Variants in RBFOX1 observed in about 807,000 individuals in gnomAD.
RBFOX1 encodes the protein RNA binding fox-1 homolog 1.
RBFOX1 carries 8 observed loss-of-function variants against 57.7 expected under a neutral mutation model. The observed-to-expected ratio is 0.14, with a 90% CI of 0.08 to 0.25. The LOEUF is 0.25. Among genes scored for constraint, RBFOX1 ranks in the 10% least tolerant of loss-of-function variants. The pLI is 1.00. For synonymous variants in RBFOX1, 326 were observed against 222.4 expected (o/e 1.47, Z -4.15); for missense variants, 611 against 548.5 (o/e 1.11, Z -1.14).
intron 4 of RBFOX1, among the ~76,000 whole-genome samples, chr16:7,467,062 C>T (rs1466278709): frequency 6.6e-6 from 1 of 152,174 alleles, no homozygotes; most frequent in African/African-American, 2.4e-5. Flanking sequence ...ATTTAGCAAA[C>T]ACTGCATATA....
At chr16:7,655,275 TA>T (rs1169196167) in intron 12 of RBFOX1, among the ~76,000 whole-genome samples, 1 of 152,166 alleles carries the variant, frequency 6.6e-6, no homozygotes. Context: ...AAGGGAAAGT[TA>T]AGGAAAAGTA....
chr16:7,704,922 C>A (rs138487631), intron 14 of RBFOX1, among the ~76,000 whole-genome samples: 16 of 152,064 alleles, frequency 1.1e-4, no homozygotes, highest in African/African-American at 3.9e-4. Context: ...TGATGGGCGC[C>A]TGTAATCCCA....
chr16:6,953,335 C>CT (rs1475843784), intron 3 of RBFOX1, among the ~76,000 whole-genome samples: 1 of 152,034 alleles, frequency 6.6e-6, no homozygotes, highest in Non-Finnish European at 1.5e-5. Flanking sequence ...TCACCAGCAA[C>CT]TTAATAACAT....
At position 7,612,089 on chromosome 16, in the gene RBFOX1, A is replaced by T. The variant is rs577340088; in HGVS notation, c.676+4751A>T. On this transcript the variant is annotated intron_variant, in intron 10 of 15. Coordinates refer to ENST00000550418, the MANE Select transcript of RBFOX1 (RefSeq NM_018723.4). ...GTAATCCCAGCACTTTGGGAGGCCG[A>T]GGCAGGTGGATCACGAGGTCAGGGG... 1.6e-4 allele frequency among the ~76,000 whole-genome samples: 24 copies of T among 152,226 alleles called. 1 individual carries two copies. In the South Asian group the frequency reaches 5.0e-3, roughly 32 times the overall value.
intron 3 of RBFOX1, among the ~76,000 whole-genome samples, chr16:5,608,187 G>C (rs1439323863): frequency 1.3e-5 from 2 of 152,214 alleles, no homozygotes; most frequent in African/African-American, 4.8e-5. Flanking sequence ...CTTGTGAATT[G>C]TCATAACACC....
chr16:7,326,102 T>C (rs1323562808), intron 4 of RBFOX1, among the ~76,000 whole-genome samples: 1 of 152,210 alleles, frequency 6.6e-6, no homozygotes, highest in Non-Finnish European at 1.5e-5. Context: ...TCCCTGCGCC[T>C]CTGTCTCATC....
At chr16:7,237,504 C>G (rs560577571) in intron 4 of RBFOX1, among the ~76,000 whole-genome samples, 5 of 152,278 alleles carry the variant, frequency 3.3e-5, no homozygotes, top group African/African-American at 9.6e-5. Flanking sequence ...ATCTCATTAG[C>G]CTGAAGCACA....
chr16:5,696,525 C>G (rs946855719), intron 3 of RBFOX1, among the ~76,000 whole-genome samples: 30 of 152,148 alleles, frequency 2.0e-4, no homozygotes, highest in South Asian at 4.1e-4. Context: ...ATTATGTGAT[C>G]CAAGGCTATG....
At position 5,359,988 on chromosome 16, in the gene RBFOX1, C is replaced by G. The variant is rs546120529; in HGVS notation, c.220-107228C>G. On this transcript the variant is annotated intron_variant, in intron 1 of 2. Coordinates refer to the RBFOX1 transcript ENST00000585867. ...TGTTTGTTCCAGAGCGAAAACAATC[C>G]AAAACATAAATTTACATTGAAGGTT... is the stretch of plus-strand genomic sequence containing the variant. Among the ~76,000 whole-genome samples, 10 of 152,294 alleles carry G rather than the reference C, an allele frequency of 6.6e-5. No homozygotes were observed. In the East Asian group the frequency reaches 1.7e-3, roughly 26 times the overall value.
At chr16:6,935,415 A>G (rs543627946) in intron 3 of RBFOX1, among the ~76,000 whole-genome samples, 1 of 152,212 alleles carries the variant, frequency 6.6e-6, no homozygotes, top group African/African-American at 2.4e-5. Context: ...AGTAGATCAT[A>G]AAAAGGAAAT....
intron 3 of RBFOX1, among the ~76,000 whole-genome samples, chr16:5,647,998 T>G (rs2049106106): frequency 6.6e-6 from 1 of 152,074 alleles, no homozygotes; most frequent in South Asian, 2.1e-4. Flanking sequence ...TAGCTTGGAG[T>G]ATAGGCATGC....
intron 3 of RBFOX1, among the ~76,000 whole-genome samples, chr16:6,906,932 C>T (rs2070149640): frequency 6.6e-6 from 1 of 152,078 alleles, no homozygotes; most frequent in Non-Finnish European, 1.5e-5. Context: ...CCATGTTGGC[C>T]AGGCTGGTCT....
intron 3 of RBFOX1, among the ~76,000 whole-genome samples, chr16:6,776,571 T>C (rs1222667862): frequency 6.6e-6 from 1 of 150,800 alleles, no homozygotes; most frequent in Non-Finnish European, 1.5e-5. Flanking sequence ...GTTGACACTG[T>C]TTGTTGGATG....
chr16:7,198,481 G>A (rs973720485), intron 4 of RBFOX1, among the ~76,000 whole-genome samples: 1 of 152,166 alleles, frequency 6.6e-6, no homozygotes, highest in African/African-American at 2.4e-5. Flanking sequence ...TCAAAAACAG[G>A]AAGACAGAGT....
chr16:6,658,513 C>G (rs531583607), intron 3 of RBFOX1, among the ~76,000 whole-genome samples: 30 of 152,146 alleles, frequency 2.0e-4, no homozygotes, highest in African/African-American at 7.2e-4. Flanking sequence ...GGCCGAGAGC[C>G]CTCATCTTGT....
At chr16:5,923,558 T>G (rs1567152515) in intron 4 of RBFOX1, among the ~76,000 whole-genome samples, 1 of 151,060 alleles carries the variant, frequency 6.6e-6, no homozygotes, top group African/African-American at 2.4e-5. Context: ...TTTCTTTTTT[T>G]TGAGGTAGAG....
At chr16:6,164,895 A>G (rs1236166895) in intron 1 of RBFOX1, among the ~76,000 whole-genome samples, 1 of 152,212 alleles carries the variant, frequency 6.6e-6, no homozygotes, top group Non-Finnish European at 1.5e-5. Flanking sequence ...ACAGAATCCT[A>G]CGAAGTTGAA....
chr16:5,737,596 CTT>C lies in RBFOX1; in HGVS notation c.319-129705_319-129704del, dbSNP rs141192265. On this transcript the variant is annotated intron_variant, in intron 3 of 19. Transcript: ENST00000641259. ...TTATCCTGCTGCTATGTGGCTAACT[CTT>C]TATCCTGCTTTTTGTATGTCAGCAA... Among the ~76,000 whole-genome samples, 609 of 146,446 alleles carry C rather than the reference CTT, an allele frequency of 4.2e-3. 7 individuals carry two copies. Among genetic ancestry groups the C allele is most frequent in the African/African-American group, 0.015 (583 of 39,432 alleles).
At chr16:6,188,971 C>G (rs1428208987) in intron 1 of RBFOX1, among the ~76,000 whole-genome samples, 1 of 152,138 alleles carries the variant, frequency 6.6e-6, no homozygotes, top group Admixed American at 6.5e-5. Flanking sequence ...AAGTGCAGTG[C>G]AAGATGAAGC....
Sources: allele counts gnomAD v4.1 joint callset (sites outside exome capture counted in the v4.1 genomes callset), GRCh38; gene constraint gnomAD v4.1.1; transcripts MANE v1.5; gene names NCBI Gene and HGNC (gene_info 2026-07-23, HGNC 2026-07-21).